Variants in RGS17 observed in about 807,000 individuals in gnomAD.
RGS17 encodes regulator of G-protein signaling 17.
A neutral mutation model predicts 25.5 loss-of-function variants in RGS17; 12 were observed. That is an observed-to-expected ratio of 0.47 (90% CI 0.30 to 0.76). RGS17 has a LOEUF of 0.76. Ranked by LOEUF, RGS17 falls within the 30% of genes least tolerant of loss-of-function variation. RGS17 has a pLI of 0.07. For synonymous variants in RGS17, 71 were observed against 76.9 expected, an observed-to-expected ratio of 0.92 and a Z score of 0.40; for missense variants, 196 against 242.2, an observed-to-expected ratio of 0.81 and a Z score of 1.27.
chr6:153,066,718 T>G (rs900119583), intron 1 of RGS17, among the ~76,000 whole-genome samples: 11 of 152,080 alleles, frequency 7.2e-5, no homozygotes, highest in African/African-American at 2.7e-4. Flanking sequence ...ATGTGATATA[T>G]CACATCAACA....
intron 1 of RGS17, among the ~76,000 whole-genome samples, chr6:153,055,277 T>C (rs2129113195): frequency 6.6e-6 from 1 of 152,292 alleles, no homozygotes; most frequent in South Asian, 2.1e-4. Context: ...TCTGCTGTTT[T>C]TTTTCCCTTG....
chr6:153,007,616 T>G lies in RGS17; in HGVS notation c.*3958A>C, dbSNP rs1051946134. The stretch of plus-strand genomic sequence containing the variant: ...TATAATTATTATTATTATTTTGAGA[T>G]GGAGTCACTCTGTTGCCAAGGCTGG... On this transcript the variant is annotated 3_prime_UTR_variant, in exon 5 of 5. Coordinates refer to ENST00000206262, the MANE Select transcript of RGS17 (RefSeq NM_012419.5). 1 of 151,932 alleles carries G rather than the reference T, an allele frequency of 6.6e-6. No homozygotes were observed. Among genetic ancestry groups the G allele is most frequent in the Non-Finnish European group, 1.5e-5 (1 of 67,982 alleles). 9.4% of individuals were successfully genotyped at this position (151,932 alleles called of 1,614,324 possible).
At chr6:153,048,372 T>C (rs935829484) in intron 1 of RGS17, among the ~76,000 whole-genome samples, 1 of 152,160 alleles carries the variant, frequency 6.6e-6, no homozygotes, top group African/African-American at 2.4e-5. Flanking sequence ...CCATCTTCTG[T>C]TTCTACCACC....
intron 1 of RGS17, among the ~76,000 whole-genome samples, chr6:153,127,888 C>G (rs1481221162): frequency 6.6e-6 from 1 of 152,166 alleles, no homozygotes; most frequent in Non-Finnish European, 1.5e-5. Flanking sequence ...CCATGTCGAC[C>G]CTGCAAAATT....
intron 1 of RGS17, among the ~76,000 whole-genome samples, chr6:153,082,296 T>C (rs1273749895): frequency 6.6e-5 from 10 of 152,196 alleles, no homozygotes; most frequent in Non-Finnish European, 1.5e-4. Flanking sequence ...GTTCTTCAAA[T>C]AAATTTTGTG....
intron 1 of RGS17, among the ~76,000 whole-genome samples, chr6:153,098,818 G>C (rs1777255102): frequency 6.6e-6 from 1 of 152,150 alleles, no homozygotes; most frequent in Non-Finnish European, 1.5e-5. Flanking sequence ...ATCATTCTAT[G>C]ATCTTAACAG....
intron 2 of RGS17, among the ~76,000 whole-genome samples, chr6:153,033,044 G>T (rs934749641): frequency 6.6e-5 from 10 of 152,140 alleles, no homozygotes; most frequent in African/African-American, 2.4e-4. Flanking sequence ...TTTCTGTTTG[G>T]GTGGTACGTG....
Position 153,129,925 on chromosome 6 carries a change from C to G in RGS17, c.-26+1199G>C, listed in dbSNP as rs1240675317. On this transcript the variant is annotated intron_variant, in intron 1 of 4. Coordinates refer to ENST00000206262, the MANE Select transcript of RGS17 (RefSeq NM_012419.5). ...CGGGCTCCGGGCGAGGCGCAGGGCT[C>G]AGGGCGCAGGGCGGGTCCCGTACGC... is the stretch of plus-strand genomic sequence containing the variant. Among the ~76,000 whole-genome samples, 3 of 152,170 alleles carry G rather than the reference C, an allele frequency of 2.0e-5. No homozygotes were observed. The East Asian group carries it at 5.8e-4, about 29-fold the overall frequency.
At chr6:153,079,716 T>C (rs1312057439) in intron 1 of RGS17, among the ~76,000 whole-genome samples, 2 of 152,138 alleles carry the variant, frequency 1.3e-5, no homozygotes, top group Non-Finnish European at 2.9e-5. Context: ...TAATATATTT[T>C]AAAGGTTTTT....
intron 3 of RGS17, among the ~76,000 whole-genome samples, chr6:153,025,713 A>C (rs1330512798): frequency 7.1e-6 from 1 of 141,772 alleles, no homozygotes; most frequent in African/African-American, 2.7e-5. Flanking sequence ...TATATATATA[A>C]ACATATATAT....
chr6:153,103,367 T>C (rs1019815906), intron 1 of RGS17, among the ~76,000 whole-genome samples: 1 of 152,230 alleles, frequency 6.6e-6, no homozygotes, highest in Non-Finnish European at 1.5e-5. Context: ...ACGATAGTTA[T>C]ATTTCCGTGA....
chr6:153,040,988 ACT>A (rs1165593526), intron 2 of RGS17, among the ~76,000 whole-genome samples: 2 of 119,250 alleles, frequency 1.7e-5, no homozygotes, highest in African/African-American at 3.5e-5. Context: ...CAAGATGCTG[ACT>A]CCACTAAAAA....
intron 1 of RGS17, among the ~76,000 whole-genome samples, chr6:153,118,111 G>C (rs1056462937): frequency 2.0e-5 from 3 of 152,148 alleles, no homozygotes; most frequent in Non-Finnish European, 4.4e-5. Context: ...GGAGGTTGCA[G>C]GGCACTTGGT....
intron 1 of RGS17, among the ~76,000 whole-genome samples, chr6:153,104,164 T>C (rs1777346117): frequency 6.6e-6 from 1 of 152,264 alleles, no homozygotes; most frequent in African/African-American, 2.4e-5. Context: ...AATCCATATC[T>C]GTTTGACGAT....
chr6:153,020,130 ATATATATATTTTTTTTTTTTTTTT>A (rs1779230221), intron 4 of RGS17, among the ~76,000 whole-genome samples: 1 of 89,342 alleles, frequency 1.1e-5, no homozygotes, highest in Non-Finnish European at 2.1e-5. Context: ...ATATATATAT[ATATATATATTTTTTTTTTTTTTTT>A]TTTTTTTTTT....
intron 4 of RGS17, among the ~76,000 whole-genome samples, chr6:153,013,931 G>A (rs1398691881): frequency 2.0e-5 from 3 of 151,600 alleles, no homozygotes; most frequent in Non-Finnish European, 4.4e-5. Flanking sequence ...GCAGCAAATG[G>A]CTGATGTAGA....
At position 153,011,203 on chromosome 6, in the gene RGS17, G is replaced by A. The variant is rs1779128774; in HGVS notation, c.*371C>T. ...TATTGCACAAAAGTCCTTAAATACA[G>A]ATATAAGTTATGCTACTGGATTAAA... On this transcript the variant is annotated 3_prime_UTR_variant, in exon 5 of 5. Coordinates refer to ENST00000206262, the MANE Select transcript of RGS17 (RefSeq NM_012419.5). 5.9e-6 allele frequency: 1 copy of A among 168,768 alleles called. No individual in the cohort carries two copies. Among genetic ancestry groups the A allele is most frequent in the Non-Finnish European group, 1.3e-5 (1 of 79,546 alleles). The allele number at this position is 168,768 out of a possible 1,614,324, so 10.5% of individuals were successfully genotyped here.
intron 1 of RGS17, among the ~76,000 whole-genome samples, chr6:153,097,771 C>T (rs1250407098): frequency 6.6e-6 from 1 of 151,872 alleles, no homozygotes; most frequent in Non-Finnish European, 1.5e-5. Flanking sequence ...GTTGTGAGAG[C>T]GACAGTATGC....
chr6:153,054,067 C>CATATATATGTATATATGTATATA (rs1776514210), intron 1 of RGS17, among the ~76,000 whole-genome samples: 1 of 39,964 alleles, frequency 2.5e-5, no homozygotes, highest in Non-Finnish European at 4.3e-5. Context: ...AATATATATA[C>CATATATATGTATATATGTATATA]ATATATATAT....
Sources: gnomAD v4.1 joint callset for allele counts (sites outside exome capture counted in the v4.1 genomes callset) on GRCh38, gnomAD v4.1.1 for gene constraint, MANE v1.5 for transcripts, NCBI Gene and HGNC (gene_info 2026-07-23, HGNC 2026-07-21) for gene names.